PLEK: variants seen among roughly 807,000 people sequenced by gnomAD.
PLEK encodes platelet 47 kDa protein.
PLEK carries 25 observed loss-of-function variants against 43.9 expected under a neutral mutation model. The observed-to-expected ratio is 0.57, with a 90% CI of 0.41 to 0.79. The LOEUF (loss-of-function observed/expected upper bound fraction) is 0.79, where lower values mean the gene tolerates loss of function less well. Ranked by LOEUF, PLEK falls within the 30% of genes least tolerant of loss-of-function variation. The probability of loss-of-function intolerance (pLI) is 0.00; values close to 1 mark genes in which losing one functional copy is unlikely to be tolerated. For missense variants in PLEK, 396 were observed against 413.3 expected (o/e 0.96, Z 0.36); for synonymous variants, 152 against 144.4 (o/e 1.05, Z -0.38).
At chr2:68,380,966 C>T (rs1326469202) in intron 3 of PLEK, 62 bp downstream of exon 3, 8 of 1,431,384 alleles carry the variant, frequency 5.6e-6, no homozygotes, top group Non-Finnish European at 6.8e-6. Flanking sequence ...CATAGCAGAT[C>T]CTGCTCCAAG....
rs182137525 is a variant in PLEK, at chr2:68,386,533, C to T, written c.504C>T (p.Asn168=). 6.2e-7 allele frequency: 1 copy of T among 1,613,536 alleles called. No homozygotes were observed. The highest frequency in any genetic ancestry group is 8.5e-7 in the Non-Finnish European group (1 of 1,179,718). Residue 168 remains asparagine, a synonymous_variant, in exon 5 of 9, where the codon AAC becomes AAT. Coordinates refer to ENST00000234313, the MANE Select transcript of PLEK (RefSeq NM_002664.3). ...GCGTCATTGATTGGCTGGTATCCAACCAGTCTGTTAGGAATCGCCAGGAAG... is the reference window on the plus strand; with the variant it reads ...GCGTCATTGATTGGCTGGTATCCAATCAGTCTGTTAGGAATCGCCAGGAAG... ...GNCVIDWLVS[N]QSVRNRQEGL... is the part of the protein sequence containing the mutation.
chr2:68,371,017 A>G (rs946471052), intron 1 of PLEK, among the ~76,000 whole-genome samples: 2 of 152,168 alleles, frequency 1.3e-5, no homozygotes. Context: ...TTGGCTTTCA[A>G]GCAAGCCCAA....
chr2:68,367,312 T>G (rs1360337296), intron 1 of PLEK, among the ~76,000 whole-genome samples: 2 of 152,128 alleles, frequency 1.3e-5, no homozygotes, highest in African/African-American at 4.8e-5. Context: ...AGGTACAGGC[T>G]TGTTATATAG....
rs1405924498 is a variant in PLEK, at chr2:68,396,908, G to A, written c.*1092G>A. On this transcript the variant is annotated 3_prime_UTR_variant, in exon 9 of 9. Coordinates refer to ENST00000234313, the MANE Select transcript of PLEK (RefSeq NM_002664.3). ...ACTTCTGAGAGGGGCTGTTAGCATT[G>A]CGCAGCATCTTCAGTTCTCCAGTAA... The A allele has an allele frequency of 6.6e-6, 1 of 152,216 alleles. No homozygotes were observed. Among genetic ancestry groups the A allele is most frequent in the Admixed American group, 6.5e-5 (1 of 15,280 alleles). The allele number at this position is 152,216 out of a possible 1,614,324, so 9.4% of individuals were successfully genotyped here.
Position 68,373,722 on chromosome 2 carries a change from G to A in PLEK, c.43-6606G>A, listed in dbSNP as rs147535096. On this transcript the variant is annotated intron_variant, in intron 1 of 8. Transcript: ENST00000234313. ...AAGTCAAAAGCCCTGAGTGATGATG[G>A]CAGTTAATAATCTCAGCTATTCCTG... 1.6e-3 allele frequency among the ~76,000 whole-genome samples: 250 copies of A among 152,290 alleles called. 1 individual carries two copies. Among genetic ancestry groups the A allele is most frequent in the African/African-American group, 5.9e-3 (244 of 41,580 alleles).
At chr2:68,370,104 G>A (rs953099484) in intron 1 of PLEK, among the ~76,000 whole-genome samples, 1 of 152,206 alleles carries the variant, frequency 6.6e-6, no homozygotes, top group African/African-American at 2.4e-5. Context: ...AAAATAACAT[G>A]TCCCATGGGT....
At chr2:68,380,925 C>A (rs1673601672) in intron 3 of PLEK, 21 bp downstream of exon 3, 1 of 1,598,600 alleles carries the variant, frequency 6.3e-7, no homozygotes, top group Non-Finnish European at 8.6e-7. Context: ...GTGTTTACTT[C>A]TCTTTACCCA....
Position 68,393,259 on chromosome 2 carries a change from G to A in PLEK, c.846+14G>A. ...GACCCTGCTGGGGTAAGGTCCTGTG[G>A]TTCATAAATCCATTCAAATAAATAA... On this transcript the variant is annotated intron_variant, in intron 7 of 8. Coordinates refer to ENST00000234313, the MANE Select transcript of PLEK (RefSeq NM_002664.3). 1 of 1,530,672 alleles carries A rather than the reference G, an allele frequency of 6.5e-7. No individual in the cohort carries two copies. The highest frequency in any genetic ancestry group is 9.1e-7 in the Non-Finnish European group (1 of 1,104,398). 94.8% of individuals were successfully genotyped at this position (1,530,672 alleles called of 1,614,324 possible).
At chr2:68,383,713 A>G (rs1335806074) in intron 4 of PLEK, among the ~76,000 whole-genome samples, 1 of 152,236 alleles carries the variant, frequency 6.6e-6, no homozygotes, top group East Asian at 1.9e-4. Context: ...TGGCTTTCTT[A>G]TGGTGACAGG....
At chr2:68,372,182 T>TC (rs1047724525) in intron 1 of PLEK, among the ~76,000 whole-genome samples, 98 of 151,982 alleles carry the variant, frequency 6.4e-4, no homozygotes, top group African/African-American at 2.2e-3. Context: ...AGTTCATTTT[T>TC]TTTTTTCTTG....
Position 68,388,478 on chromosome 2 carries a change from G to A in PLEK, c.749G>A (p.Cys250Tyr), listed in dbSNP as rs1673792085. ...EFRGVIIKQG[C>Y]LLKQGHRRKN... is the part of the protein sequence containing the mutation. ...AGAGGGGTCATTATCAAGCAGGGATGTTTACTGAAGCAGGTGAGTGGCCAC... is the reference window on the plus strand; with the variant it reads ...AGAGGGGTCATTATCAAGCAGGGATATTTACTGAAGCAGGTGAGTGGCCAC... Residue 250 changes from cysteine to tyrosine, a missense_variant, in exon 6 of 9, where the codon TGT becomes TAT. Physicochemically the swap from Cys to Tyr is radical, Grantham distance 194. Transcript: ENST00000234313. 2 of 1,580,764 alleles carry A rather than the reference G, an allele frequency of 1.3e-6. No homozygotes were observed. Among genetic ancestry groups the A allele is most frequent in the African/African-American group, 1.3e-5 (1 of 74,460 alleles).
intron 1 of PLEK, among the ~76,000 whole-genome samples, chr2:68,367,392 T>C (rs1386439556): frequency 6.6e-6 from 1 of 152,174 alleles, no homozygotes; most frequent in Admixed American, 6.6e-5. Flanking sequence ...TAGTATCCAA[T>C]AGTTATTTTT....
intron 4 of PLEK, among the ~76,000 whole-genome samples, chr2:68,386,041 AAGAC>A (rs1033107279): frequency 3.9e-5 from 6 of 152,032 alleles, no homozygotes; most frequent in Non-Finnish European, 7.4e-5. Context: ...GCTTTTTTTT[AAGAC>A]AAAGACTTTA....
At chr2:68,385,736 C>A (rs1240028329) in intron 4 of PLEK, among the ~76,000 whole-genome samples, 1 of 152,192 alleles carries the variant, frequency 6.6e-6, no homozygotes, top group Non-Finnish European at 1.5e-5. Flanking sequence ...AGCCTCTGCC[C>A]AGTGTCACTT....
At chr2:68,389,161 GT>G (rs1673811401) in intron 6 of PLEK, among the ~76,000 whole-genome samples, 1 of 152,238 alleles carries the variant, frequency 6.6e-6, no homozygotes, top group Non-Finnish European at 1.5e-5. Flanking sequence ...ATGCCAAGAG[GT>G]AAGAGATGGA....
In PLEK at chr2:68,393,146, T is replaced by C. The variant is rs955311944; in HGVS notation, c.763-16T>C. On this transcript the variant is annotated splice_polypyrimidine_tract_variant and intron_variant, in intron 6 of 8. Coordinates refer to ENST00000234313, the MANE Select transcript of PLEK (RefSeq NM_002664.3). ...GAATTCACCATCCCTTCTTTTAATG[T>C]TGATCCTGGATACAGGGGCATAGAA... is the stretch of plus-strand genomic sequence containing the variant. 6.5e-7 allele frequency: 1 copy of C among 1,531,812 alleles called. No individual in the cohort carries two copies. The highest frequency in any genetic ancestry group is 9.0e-7 in the Non-Finnish European group (1 of 1,104,992). 94.9% of individuals were successfully genotyped at this position (1,531,812 alleles called of 1,614,324 possible).
chr2:68,394,288 T>A (rs973201131), intron 8 of PLEK, 112 bp downstream of exon 8: 20 of 766,504 alleles, frequency 2.6e-5, no homozygotes, highest in African/African-American at 2.6e-4. Flanking sequence ...TAAGCAGGAA[T>A]GGGGCAGGCA....
chr2:68,397,379 A>G lies in PLEK; in HGVS notation c.*1563A>G, dbSNP rs1428846798. On this transcript the variant is annotated 3_prime_UTR_variant, in exon 9 of 9. Transcript: ENST00000234313. The stretch of plus-strand genomic sequence containing the variant: ...ATAGAATATGCACAAGTTTTTCTAC[A>G]CTCAGTGTTAAAGTATTTATTAATG... 1.3e-5 allele frequency: 2 copies of G among 152,190 alleles called. No homozygotes were observed. Among genetic ancestry groups the G allele is most frequent in the African/African-American group, 4.8e-5 (2 of 41,448 alleles). The allele number at this position is 152,190 out of a possible 1,614,324, so 9.4% of individuals were successfully genotyped here. A position where few individuals can be genotyped will look rare whatever the true frequency, so the allele number is the denominator to read the frequency against.
intron 8 of PLEK, among the ~76,000 whole-genome samples, chr2:68,394,826 G>A (rs1673933585): frequency 6.6e-6 from 1 of 152,204 alleles, no homozygotes; most frequent in African/African-American, 2.4e-5. Flanking sequence ...AGGACAAATT[G>A]TATCTCTGGG....
Sources: allele counts gnomAD v4.1 joint callset (sites outside exome capture counted in the v4.1 genomes callset), GRCh38; gene constraint gnomAD v4.1.1; transcripts MANE v1.5; gene names NCBI Gene and HGNC (gene_info 2026-07-23, HGNC 2026-07-21).